The following SDC1 variants were observed in gnomAD, a reference collection of about 807,000 sequenced individuals.
SDC1 encodes the protein syndecan-1.
In SDC1, 14 loss-of-function variants were observed where a neutral mutation model predicts 29.7. The observed-to-expected ratio is 0.47, with a 90% CI of 0.31 to 0.74. The LOEUF (loss-of-function observed/expected upper bound fraction) is 0.74, where lower values mean the gene tolerates loss of function less well. Ranked by LOEUF, SDC1 falls within the 30% of genes least tolerant of loss-of-function variation. The probability of loss-of-function intolerance (pLI) is 0.05; values close to 1 mark genes in which losing one functional copy is unlikely to be tolerated. For missense variants in SDC1, 406 were observed against 400.3 expected (o/e 1.01, Z -0.12); for synonymous variants, 204 against 175.5 (o/e 1.16, Z -1.29).
chr2:20,217,257 C>T (rs1215847092), intron 1 of SDC1, among the ~76,000 whole-genome samples: 3 of 152,222 alleles, frequency 2.0e-5, no homozygotes, highest in Admixed American at 6.5e-5. Flanking sequence ...CCACCTCTCT[C>T]GTCTGGTTCC....
At chr2:20,210,198 G>A (rs1197168748) in intron 1 of SDC1, among the ~76,000 whole-genome samples, 4 of 152,310 alleles carry the variant, frequency 2.6e-5, no homozygotes, top group African/African-American at 9.6e-5. Flanking sequence ...AAAATTAGCT[G>A]GGCGTGGCGG....
At chr2:20,205,609 C>T (rs1677238181) in intron 1 of SDC1, among the ~76,000 whole-genome samples, 185 bp from the exon 2 acceptor site, 1 of 152,172 alleles carries the variant, frequency 6.6e-6, no homozygotes, top group Non-Finnish European at 1.5e-5. Flanking sequence ...CAGGCCCCAT[C>T]CCCTGATGCT....
intron 1 of SDC1, among the ~76,000 whole-genome samples, chr2:20,214,937 G>A (rs895813256): frequency 1.3e-5 from 2 of 152,168 alleles, no homozygotes; most frequent in Admixed American, 6.5e-5. Context: ...GTCACCTTAG[G>A]TTCTAGTACC....
At position 20,200,930 on chromosome 2, in the gene SDC1, C is replaced by G. The variant is rs1676982322; in HGVS notation, c.*1836G>C. On this transcript the variant is annotated 3_prime_UTR_variant, in exon 5 of 5. Coordinates refer to ENST00000254351, the MANE Select transcript of SDC1 (RefSeq NM_002997.5). ...TCCCCACCCCCGAGTCATGTGCAGT[C>G]ATACACTCCAGGCAGAAAGTCGCAG... 1 of 152,318 alleles carries G rather than the reference C, an allele frequency of 6.6e-6. No individual in the cohort carries two copies. Among genetic ancestry groups the G allele is most frequent in the Admixed American group, 6.5e-5 (1 of 15,290 alleles). The allele number at this position is 152,318 out of a possible 1,614,324, so 9.4% of individuals were successfully genotyped here. A position where few individuals can be genotyped will look rare whatever the true frequency, so the allele number is the denominator to read the frequency against.
intron 1 of SDC1, among the ~76,000 whole-genome samples, chr2:20,210,631 G>A (rs1375889364): frequency 3.9e-5 from 6 of 152,184 alleles, no homozygotes; most frequent in Non-Finnish European, 7.4e-5. Flanking sequence ...CGAAATCCCC[G>A]GCTTCTGTGG....
chr2:20,220,033 C>T (rs143515173), intron 1 of SDC1, among the ~76,000 whole-genome samples: 66 of 152,342 alleles, frequency 4.3e-4, no homozygotes, highest in Non-Finnish European at 7.9e-4. Context: ...GGCCTGAGGG[C>T]GCCATCCAAA....
intron 1 of SDC1, among the ~76,000 whole-genome samples, chr2:20,209,242 C>T (rs1422264358): frequency 6.6e-6 from 1 of 152,204 alleles, no homozygotes; most frequent in Non-Finnish European, 1.5e-5. Context: ...CTACAACTCC[C>T]CTGCAGATGA....
chr2:20,224,238 C>A lies in SDC1; in HGVS notation c.66+564G>T. 5.1e-6 allele frequency: 2 copies of A among 391,822 alleles called. No individual in the cohort carries two copies. Among genetic ancestry groups the A allele is most frequent in the Non-Finnish European group, 5.1e-6 (1 of 196,190 alleles). The allele number at this position is 391,822 out of a possible 1,614,324, so 24.3% of individuals were successfully genotyped here. ...CGAGGGCCCTGCAGACGCTCGCCCGCGCCCCCCACGCAGCCCTGGCCCGGC... is the reference window on the plus strand; with the variant it reads ...CGAGGGCCCTGCAGACGCTCGCCCGAGCCCCCCACGCAGCCCTGGCCCGGC... On this transcript the variant is annotated intron_variant, in intron 1 of 4. Coordinates refer to ENST00000254351, the MANE Select transcript of SDC1 (RefSeq NM_002997.5). This position sits in a 1 kb window ranked among gnomAD's most constrained non-coding sequence, Gnocchi z 4.9.
intron 1 of SDC1, among the ~76,000 whole-genome samples, chr2:20,209,574 C>T (rs1384334367): frequency 1.3e-5 from 2 of 152,210 alleles, no homozygotes; most frequent in Non-Finnish European, 2.9e-5. Context: ...ACCTGTGCCA[C>T]CAGGGATGGG....
At chr2:20,209,980 G>A (rs777526661) in intron 1 of SDC1, among the ~76,000 whole-genome samples, 15 of 152,218 alleles carry the variant, frequency 9.9e-5, no homozygotes, top group Non-Finnish European at 1.9e-4. Context: ...TTTCCAGCCC[G>A]CACCCTGAAT....
intron 1 of SDC1, among the ~76,000 whole-genome samples, chr2:20,218,524 C>CACGG (rs1416828890): frequency 6.8e-6 from 1 of 146,812 alleles, no homozygotes; most frequent in African/African-American, 2.7e-5. Flanking sequence ...CCACCACACA[C>CACGG]ACAGACACAC....
Position 20,205,599 on chromosome 2 carries a change from C to T in SDC1, c.67-175G>A, listed in dbSNP as rs538069686. Among the ~76,000 whole-genome samples the T allele has an allele frequency of 3.9e-5, 6 of 152,320 alleles. No individual in the cohort carries two copies. The East Asian group carries it at 1.2e-3, about 29-fold the overall frequency. ...CAGCTCTGGGCAGCACTTTGGTCCC[C>T]AGGCCCCATCCCCTGATGCTACAAC... On this transcript the variant is annotated intron_variant, in intron 1 of 4. Transcript: ENST00000254351.
chr2:20,225,075 G>GC lies in SDC1; in HGVS notation c.-209dup. 2.1e-6 allele frequency: 1 copy of GC among 477,650 alleles called. No individual in the cohort carries two copies. The highest frequency in any genetic ancestry group is 1.0e-4 in the South Asian group (1 of 9,560). The allele number at this position is 477,650 out of a possible 1,614,324, so 29.6% of individuals were successfully genotyped here. A position where few individuals can be genotyped will look rare whatever the true frequency, so the allele number is the denominator to read the frequency against. On this transcript the variant is annotated 5_prime_UTR_variant, in exon 1 of 5. Coordinates refer to ENST00000254351, the MANE Select transcript of SDC1 (RefSeq NM_002997.5). ...CTCGGATTCGGCCCGCACCTCTCCC[G>GC]CCGAGCTCCGCCTTATAATAAACCC...
At chr2:20,205,877 CA>C (rs1235163577) in intron 1 of SDC1, among the ~76,000 whole-genome samples, 1 of 152,202 alleles carries the variant, frequency 6.6e-6, no homozygotes, top group African/African-American at 2.4e-5. Context: ...GAGAGGCTTT[CA>C]AAAACCCCCA....
At chr2:20,214,798 AAC>A (rs1249167800) in intron 1 of SDC1, among the ~76,000 whole-genome samples, 1 of 152,158 alleles carries the variant, frequency 6.6e-6, no homozygotes, top group East Asian at 1.9e-4. Context: ...GAAGAATAGA[AAC>A]AACTGAATTA....
At position 20,204,197 on chromosome 2, in the gene SDC1, G is replaced by A. The variant is rs2230923; in HGVS notation, c.243C>T (p.Thr81=). ...TGGAGGCAGCTGTAGCCTCCAGGCC[G>A]GTGGGTTCTGGAGACGTGGGAATAG... ...LTAIPTSPEP[T]GLEATAASTS... The change falls in exon 3 of 5, where the codon ACC becomes ACT. Residue 81 remains threonine (T), a synonymous_variant. Coordinates refer to ENST00000254351, the MANE Select transcript of SDC1 (RefSeq NM_002997.5). 4.4e-4 allele frequency: 711 copies of A among 1,599,472 alleles called. No homozygotes were observed. Among genetic ancestry groups the A allele is most frequent in the Non-Finnish European group, 5.7e-4 (671 of 1,179,784 alleles).
At position 20,204,372 on chromosome 2, in the gene SDC1, G is replaced by A. The variant is rs879718934; in HGVS notation, c.149-81C>T. 25 of 879,518 alleles carry A rather than the reference G, an allele frequency of 2.8e-5. 1 individual carries two copies. The highest frequency in any genetic ancestry group is 4.4e-5 in the Non-Finnish European group (24 of 549,866). The allele number at this position is 879,518 out of a possible 1,614,324, so 54.5% of individuals were successfully genotyped here. ...GCAGAGTGTGTTGGGTGGGTCGGGG[G>A]AGGCTCCAGAGCACCTGGGCTGGCC... On this transcript the variant is annotated intron_variant, in intron 2 of 4. Coordinates refer to ENST00000254351, the MANE Select transcript of SDC1 (RefSeq NM_002997.5).
intron 3 of SDC1, 77 bp from the exon 4 acceptor site, chr2:20,203,299 A>G (rs1048807676): frequency 6.7e-7 from 1 of 1,492,030 alleles, no homozygotes; most frequent in Non-Finnish European, 9.1e-7. Context: ...CAAGACCCAG[A>G]AGCAGCTCCT....
At chr2:20,213,197 C>A in intron 1 of SDC1, among the ~76,000 whole-genome samples, 1 of 152,240 alleles carries the variant, frequency 6.6e-6, no homozygotes, top group East Asian at 1.9e-4. Context: ...GCCCACATGC[C>A]AGGACTGGTC....
Sources: gnomAD v4.1 joint callset for allele counts (sites outside exome capture counted in the v4.1 genomes callset) on GRCh38, gnomAD v4.1.1 for gene constraint, Gnocchi (gnomAD v3.1) non-coding constraint, MANE v1.5 for transcripts, NCBI Gene and HGNC (gene_info 2026-07-23, HGNC 2026-07-21) for gene names.